Variants in PRR14L observed in about 807,000 individuals in gnomAD.
The protein encoded by PRR14L is protein PRR14L.
A neutral mutation model predicts 155.0 loss-of-function variants in PRR14L; 80 were observed. The ratio of observed to expected loss-of-function variants is 0.52; its 90% CI spans 0.43 to 0.62. PRR14L has a LOEUF of 0.62. PRR14L is among the 20% of genes least tolerant of loss of function. PRR14L has a pLI of 0.00. For missense variants in PRR14L, 2,469 were observed against 2,548.0 expected (o/e 0.97, Z 0.67); for synonymous variants, 883 against 916.0 (o/e 0.96, Z 0.65).
At chr22:31,741,081 A>ACTAAAACCCTG in intron 1 of PRR14L, among the ~76,000 whole-genome samples, 1 of 151,356 alleles carries the variant, frequency 6.6e-6, no homozygotes, top group African/African-American at 2.4e-5. Flanking sequence ...GTGAAACCCT[A>ACTAAAACCCTG]TCTCTACTAA....
chr22:31,737,079 G>A (rs1047078544), intron 2 of PRR14L, among the ~76,000 whole-genome samples: 1 of 138,934 alleles, frequency 7.2e-6, no homozygotes, highest in South Asian at 2.4e-4. Flanking sequence ...GACCTGCAAA[G>A]CCTAAAAGAT....
At position 31,685,358 on chromosome 22, in the gene PRR14L, T is replaced by C. The variant is rs771160473; in HGVS notation, c.*169A>G. On this transcript the variant is annotated 3_prime_UTR_variant, in exon 9 of 9. Transcript: ENST00000327423. ...CCTCCTTCACCAGTTTCTAAAAAGG[T>C]TGCACCTTGAAATAGGTAAAAATTC... 244 of 605,060 alleles carry C rather than the reference T, an allele frequency of 4.0e-4. No homozygotes were observed. The highest frequency in any genetic ancestry group is 7.7e-4 in the Admixed American group (25 of 32,588). The allele number at this position is 605,060 out of a possible 1,614,324, so 37.5% of individuals were successfully genotyped here.
Position 31,713,307 on chromosome 22 carries a change from G to C in PRR14L, c.4532C>G (p.Ala1511Gly). ...AGCDQIHGAFAKKGVLPLKKQ... is the reference protein window; with the variant it reads ...AGCDQIHGAFGKKGVLPLKKQ... ...CTTTAAGGGAAGAACTCCTTTCTTC[G>C]CAAAGGCACCATGTATTTGATCACA... is the stretch of plus-strand genomic sequence containing the variant. The change falls in exon 4 of 9, where the codon GCG (alanine) becomes GGG (glycine). Residue 1511 changes from alanine (A) to glycine (G), a missense_variant. Ala to Gly is a moderately conservative substitution (Grantham distance 60). Transcript: ENST00000327423. 2 of 1,552,224 alleles carry C rather than the reference G, an allele frequency of 1.3e-6. No individual in the cohort carries two copies. The highest frequency in any genetic ancestry group is 1.7e-6 in the Non-Finnish European group (2 of 1,147,106).
At chr22:31,718,286 T>C (rs573227345) in intron 3 of PRR14L, among the ~76,000 whole-genome samples, 1 of 144,284 alleles carries the variant, frequency 6.9e-6, no homozygotes, top group East Asian at 2.1e-4. Flanking sequence ...GACAGAGTCT[T>C]GCTTTGTCGC....
chr22:31,730,721 A>C (rs1181580111), intron 2 of PRR14L, among the ~76,000 whole-genome samples: 4 of 152,206 alleles, frequency 2.6e-5, no homozygotes, highest in African/African-American at 9.6e-5. Context: ...TAGCTTTAAC[A>C]ACCATTAATG....
At chr22:31,745,837 T>A (rs1282274567) in intron 1 of PRR14L, among the ~76,000 whole-genome samples, 21 of 131,254 alleles carry the variant, frequency 1.6e-4, no homozygotes, top group Non-Finnish European at 2.2e-4. Context: ...AGAGGGAGAC[T>A]CAGTTTAAAA....
chr22:31,738,163 G>A (rs1299960598), intron 2 of PRR14L, among the ~76,000 whole-genome samples: 2 of 152,056 alleles, frequency 1.3e-5, no homozygotes, highest in African/African-American at 2.4e-5. Context: ...ATATACAGTC[G>A]CTGCTTCAGA....
intron 7 of PRR14L, among the ~76,000 whole-genome samples, chr22:31,688,895 T>TACACACACAC (rs1170285977): frequency 0.012 from 1,574 of 136,238 alleles, 25 homozygotes; most frequent in African/African-American, 0.046. Flanking sequence ...TTAAAAAATA[T>TACACACACAC]ATACATACAC....
intron 7 of PRR14L, 28 bp from the exon 8 acceptor site, chr22:31,688,255 TC>T: frequency 6.5e-7 from 1 of 1,545,834 alleles, no homozygotes. Context: ...AAAAAATTCT[TC>T]AGGTTCTCTC....
At chr22:31,726,194 G>A (rs749687599) in intron 2 of PRR14L, among the ~76,000 whole-genome samples, 2 of 151,792 alleles carry the variant, frequency 1.3e-5, no homozygotes, top group East Asian at 2.0e-4. Context: ...GACTGTGCGC[G>A]CTGTCAGCTC....
chr22:31,732,493 C>A (rs1013346803), intron 2 of PRR14L, among the ~76,000 whole-genome samples: 1 of 152,192 alleles, frequency 6.6e-6, no homozygotes, highest in Non-Finnish European at 1.5e-5. Flanking sequence ...CCAGTAAAAT[C>A]CCTGAGCACT....
chr22:31,729,646 G>A (rs2074737047), intron 2 of PRR14L, among the ~76,000 whole-genome samples: 1 of 152,108 alleles, frequency 6.6e-6, no homozygotes, highest in Non-Finnish European at 1.5e-5. Context: ...AAAATATTAA[G>A]ACCAGTAACA....
At chr22:31,709,565 G>T (rs576067522) in intron 4 of PRR14L, among the ~76,000 whole-genome samples, 1 of 120,496 alleles carries the variant, frequency 8.3e-6, no homozygotes, top group African/African-American at 3.2e-5. Flanking sequence ...TTTTTGAGAC[G>T]GAGTCTTGCT....
At position 31,714,698 on chromosome 22, in the gene PRR14L, C is replaced by G. The variant is rs1473514323; in HGVS notation, c.3141G>C (p.Glu1047Asp). The G allele has an allele frequency of 4.5e-6, 7 of 1,552,352 alleles. No homozygotes were observed. In the Middle Eastern group the frequency reaches 8.3e-4, roughly 185 times the overall value. ...GAFVKMSGCD[E>D]STEGMVDIVY... ...CGATGTCTACCATACCTTCTGTGGA[C>G]TCATCACAACCAGACATCTTGACAA... The change falls in exon 4 of 9, where the codon GAG (glutamate) becomes GAC (aspartate). Residue 1047 changes from glutamate to aspartate, a missense_variant. Coordinates refer to ENST00000327423, the MANE Select transcript of PRR14L (RefSeq NM_173566.3).
chr22:31,696,144 T>C (rs1269609950), intron 7 of PRR14L, among the ~76,000 whole-genome samples: 3 of 135,872 alleles, frequency 2.2e-5, no homozygotes, highest in African/African-American at 8.5e-5. Flanking sequence ...TTTATTATTA[T>C]AATTTTTTTT....
intron 4 of PRR14L, among the ~76,000 whole-genome samples, chr22:31,709,971 A>G (rs1304522332): frequency 6.6e-6 from 1 of 151,094 alleles, no homozygotes; most frequent in Admixed American, 6.6e-5. Context: ...GACAGGGTCT[A>G]GCTCTGTTGC....
intron 3 of PRR14L, among the ~76,000 whole-genome samples, chr22:31,718,885 C>T (rs1470399556): frequency 6.6e-6 from 1 of 151,450 alleles, no homozygotes; most frequent in East Asian, 1.9e-4. Context: ...ACTAGCCTGG[C>T]CAACATGACA....
At chr22:31,740,310 C>T (rs550996519) in intron 1 of PRR14L, among the ~76,000 whole-genome samples, 1 of 152,284 alleles carries the variant, frequency 6.6e-6, no homozygotes, top group South Asian at 2.1e-4. Flanking sequence ...ACCTCCGCCT[C>T]CCAGGTTCAA....
chr22:31,736,154 G>C (rs1351230753), intron 2 of PRR14L, among the ~76,000 whole-genome samples: 1 of 150,636 alleles, frequency 6.6e-6, no homozygotes, highest in East Asian at 1.9e-4. Context: ...GGGAGGCGGA[G>C]CTTGCAGTGA....
Sources: gnomAD v4.1 joint callset for allele counts (sites outside exome capture counted in the v4.1 genomes callset) on GRCh38, gnomAD v4.1.1 for gene constraint, MANE v1.5 for transcripts, NCBI Gene and HGNC (gene_info 2026-07-23, HGNC 2026-07-21) for gene names.